Variants in ZNF423 observed in about 807,000 individuals in gnomAD.
ZNF423 encodes Ebf-associated zinc finger protein.
A neutral mutation model predicts 95.8 loss-of-function variants in ZNF423; 12 were observed. The observed-to-expected ratio is 0.13, with a 90% CI of 0.08 to 0.20. The LOEUF (loss-of-function observed/expected upper bound fraction) is 0.20, where lower values mean the gene tolerates loss of function less well. ZNF423 is among the 10% of genes least tolerant of loss of function. The pLI is 1.00. For synonymous variants in ZNF423, 749 were observed against 711.9 expected (o/e 1.05, Z -0.83); for missense variants, 1,316 against 1,737.1 (o/e 0.76, Z 4.31).
At chr16:49,521,246 A>G (rs1968383292) in intron 7 of ZNF423, among the ~76,000 whole-genome samples, 1 of 152,228 alleles carries the variant, frequency 6.6e-6, no homozygotes, top group South Asian at 2.1e-4. Context: ...GGCATTTGGG[A>G]CAATGCAGGC....
At chr16:49,826,145 G>A (rs190468834) in intron 1 of ZNF423, among the ~76,000 whole-genome samples, 128 of 152,308 alleles carry the variant, frequency 8.4e-4, no homozygotes, top group African/African-American at 2.9e-3. Flanking sequence ...CCGGGAGGTC[G>A]AGGCTTCAGT....
intron 7 of ZNF423, among the ~76,000 whole-genome samples, chr16:49,513,724 G>A (rs1597028829): frequency 6.6e-6 from 1 of 152,118 alleles, no homozygotes; most frequent in Non-Finnish European, 1.5e-5. Context: ...TCACGTCAGA[G>A]TGGAGAGTTT....
chr16:49,502,176 CG>C (rs1204769569), intron 7 of ZNF423, among the ~76,000 whole-genome samples: 1 of 152,174 alleles, frequency 6.6e-6, no homozygotes, highest in Non-Finnish European at 1.5e-5. Flanking sequence ...GTGAGGGCCT[CG>C]AGAAGCCCCA....
intron 3 of ZNF423, among the ~76,000 whole-genome samples, chr16:49,688,267 C>T (rs896709906): frequency 1.1e-4 from 16 of 152,150 alleles, no homozygotes; most frequent in Non-Finnish European, 1.5e-4. Flanking sequence ...TTTTTCTACA[C>T]AGCAGACAGT....
intron 5 of ZNF423, among the ~76,000 whole-genome samples, chr16:49,545,543 T>C (rs1213902373): frequency 1.3e-5 from 2 of 152,164 alleles, no homozygotes; most frequent in African/African-American, 4.8e-5. Flanking sequence ...ACTCTAACTG[T>C]TCAGCACCGA....
At chr16:49,671,004 T>A (rs1596826119) in intron 3 of ZNF423, among the ~76,000 whole-genome samples, 1 of 151,758 alleles carries the variant, frequency 6.6e-6, no homozygotes, top group African/African-American at 2.4e-5. Flanking sequence ...TATTGGGGAG[T>A]AAAAGTAAAT....
chr16:49,817,263 G>C (rs1310275570), intron 1 of ZNF423, among the ~76,000 whole-genome samples: 2 of 152,222 alleles, frequency 1.3e-5, no homozygotes, highest in East Asian at 3.8e-4. Context: ...GCAGGGGAAA[G>C]TTTACCTCGA....
intron 5 of ZNF423, among the ~76,000 whole-genome samples, chr16:49,564,874 G>A (rs1970137800): frequency 6.6e-6 from 1 of 152,214 alleles, no homozygotes; most frequent in Non-Finnish European, 1.5e-5. Context: ...CCTGGTCTGG[G>A]CAGGACACCT....
upstream of ZNF423, among the ~76,000 whole-genome samples, chr16:49,859,119 G>C (rs1196312930): frequency 6.6e-6 from 1 of 152,138 alleles, no homozygotes; most frequent in East Asian, 1.9e-4. Flanking sequence ...ATGCGTGTGC[G>C]GGACGAAAGA....
At chr16:49,621,863 T>C (rs1332157466) in intron 5 of ZNF423, among the ~76,000 whole-genome samples, 2 of 152,150 alleles carry the variant, frequency 1.3e-5, no homozygotes, top group Non-Finnish European at 2.9e-5. Context: ...AAGCCACATC[T>C]AAGTTCCATC....
intron 7 of ZNF423, among the ~76,000 whole-genome samples, chr16:49,498,345 C>T (rs1967246576): frequency 6.6e-6 from 1 of 152,226 alleles, no homozygotes; most frequent in Admixed American, 6.5e-5. Context: ...CTCTTCACCA[C>T]CACACTGTTC....
At chr16:49,717,566 C>T (rs1436624106) in intron 3 of ZNF423, among the ~76,000 whole-genome samples, 1 of 152,254 alleles carries the variant, frequency 6.6e-6, no homozygotes, top group East Asian at 1.9e-4. Flanking sequence ...TCCTCAGAGC[C>T]AGGAGATGCA....
chr16:49,764,902 C>T (rs1200672224), intron 2 of ZNF423, among the ~76,000 whole-genome samples: 1 of 151,412 alleles, frequency 6.6e-6, no homozygotes, highest in Non-Finnish European at 1.5e-5. Context: ...TGTGCGCCAC[C>T]ACGCCCAGCT....
At chr16:49,841,180 T>G (rs528040714) in intron 1 of ZNF423, among the ~76,000 whole-genome samples, 1 of 152,068 alleles carries the variant, frequency 6.6e-6, no homozygotes, top group African/African-American at 2.4e-5. Context: ...AGCCCAAATC[T>G]GTCTGCTCAG....
At chr16:49,796,293 A>G (rs8060157) in intron 1 of ZNF423, among the ~76,000 whole-genome samples, 87,119 of 151,748 alleles carry the variant, frequency 0.57, 25,102 homozygotes, top group African/African-American at 0.63. Context: ...TCTGGATTTC[A>G]GATATCCAGT....
intron 1 of ZNF423, among the ~76,000 whole-genome samples, chr16:49,846,170 C>G (rs2035243186): frequency 6.6e-6 from 1 of 152,028 alleles, no homozygotes; most frequent in Non-Finnish European, 1.5e-5. Flanking sequence ...GGCCTGGTGG[C>G]ACATGCCTGT....
intron 5 of ZNF423, among the ~76,000 whole-genome samples, chr16:49,625,325 C>A (rs1371705101): frequency 2.6e-5 from 4 of 152,174 alleles, no homozygotes; most frequent in Non-Finnish European, 4.4e-5. Context: ...TGCACTCCAG[C>A]CTGGGTGACA....
rs114512153 is a variant in ZNF423 at position 49,551,767 on chromosome 16, G to A, written c.3602-26273C>T. Among the ~76,000 whole-genome samples the A allele has an allele frequency of 2.1e-3, 316 of 152,306 alleles. 1 individual carries two copies. The highest frequency in any genetic ancestry group is 7.0e-3 in the African/African-American group (290 of 41,576). ...GGTGGGGGCTGGAAGACAAGGAGCT[G>A]GAAGGGACACCGAAAACGGGCCCCT... On this transcript the variant is annotated intron_variant, in intron 5 of 7. Coordinates refer to ENST00000563137, the MANE Select transcript of ZNF423 (RefSeq NM_001379286.1).
At chr16:49,497,572 C>G (rs891814236) in intron 7 of ZNF423, among the ~76,000 whole-genome samples, 1 of 152,188 alleles carries the variant, frequency 6.6e-6, no homozygotes, top group African/African-American at 2.4e-5. Flanking sequence ...GCAGAGCCAC[C>G]CGGCCTGCAC....
Sources: gnomAD v4.1 joint callset for allele counts (sites outside exome capture counted in the v4.1 genomes callset) on GRCh38, gnomAD v4.1.1 for gene constraint, MANE v1.5 for transcripts, NCBI Gene and HGNC (gene_info 2026-07-23, HGNC 2026-07-21) for gene names.